GGNBP2: variants seen among roughly 807,000 people sequenced by gnomAD.
The protein encoded by GGNBP2 is gametogenetin binding protein 2.
In GGNBP2, 10 loss-of-function variants were observed where a neutral mutation model predicts 85.9. The observed-to-expected ratio is 0.12, with a 90% CI of 0.07 to 0.20. GGNBP2 has a LOEUF of 0.20. GGNBP2 is among the 10% of genes least tolerant of loss of function. The pLI, the probability that GGNBP2 is intolerant of heterozygous loss-of-function variation, is 1.00. For missense variants in GGNBP2, 595 were observed against 857.8 expected (o/e 0.69, Z 3.83); for synonymous variants, 287 against 285.7 (o/e 1.00, Z -0.05).
intron 1 of GGNBP2, 161 bp from the exon 2 acceptor site, chr17:36,545,458 T>C (rs1415852271): frequency 7.5e-6 from 3 of 397,876 alleles, no homozygotes; most frequent in Middle Eastern, 6.4e-4. Flanking sequence ...GGGGGGCGGG[T>C]CCCGGCGGCG....
intron 4 of GGNBP2, among the ~76,000 whole-genome samples, chr17:36,557,828 A>G (rs970861127): frequency 6.6e-6 from 1 of 152,150 alleles, no homozygotes; most frequent in African/African-American, 2.4e-5. Context: ...CAGCAGAGTA[A>G]TAAGGCCGGG....
chr17:36,546,396 T>A (rs965121257), intron 2 of GGNBP2: 1 of 155,942 alleles, frequency 6.4e-6, no homozygotes, highest in African/African-American at 2.4e-5. Context: ...TGCTAGGCCC[T>A]TTCTTCAAAA....
chr17:36,582,993 T>C (rs915991135), intron 9 of GGNBP2, among the ~76,000 whole-genome samples: 1 of 152,154 alleles, frequency 6.6e-6, no homozygotes, highest in African/African-American at 2.4e-5. Flanking sequence ...GTGAGAAGAA[T>C]GGTATTATAC....
intron 6 of GGNBP2, among the ~76,000 whole-genome samples, chr17:36,571,419 G>A (rs1016642666): frequency 3.3e-5 from 5 of 152,016 alleles, no homozygotes; most frequent in Non-Finnish European, 5.9e-5. Context: ...GCTTGGTGGC[G>A]TGTGCCTGTA....
In GGNBP2 at chr17:36,581,327, C is replaced by A. The variant is rs774927505; in HGVS notation, c.1021-17C>A. On this transcript the variant is annotated splice_polypyrimidine_tract_variant and intron_variant, in intron 8 of 13. Transcript: ENST00000613102. ...AGTTCTGACCAATATTCACCCTCAA[C>A]CTTATTTTTATAATAGATGACCGTG... The A allele has an allele frequency of 2.6e-6, 4 of 1,534,834 alleles. No individual in the cohort carries two copies. Among genetic ancestry groups the A allele is most frequent in the Non-Finnish European group, 3.5e-6 (4 of 1,130,408 alleles).
At position 36,585,983 on chromosome 17, in the gene GGNBP2, T is replaced by G. The variant is rs756814694; in HGVS notation, c.1492+18T>G. ...TGAACACGGTAGGCTCACATTAAGT[T>G]TCCCAGTTATTTCTACTACATGGCT... On this transcript the variant is annotated intron_variant, in intron 11 of 13. Transcript: ENST00000613102. 1 of 1,614,018 alleles carries G rather than the reference T, an allele frequency of 6.2e-7. No homozygotes were observed. The highest frequency in any genetic ancestry group is 8.5e-7 in the Non-Finnish European group (1 of 1,179,954).
intron 5 of GGNBP2, among the ~76,000 whole-genome samples, chr17:36,566,465 G>C (rs1320596309): frequency 6.6e-6 from 1 of 151,988 alleles, no homozygotes; most frequent in African/African-American, 2.4e-5. Context: ...TCGGAGATCA[G>C]CCTGGGCAAC....
intron 2 of GGNBP2, among the ~76,000 whole-genome samples, chr17:36,552,057 T>C (rs1342801728): frequency 6.6e-6 from 1 of 152,240 alleles, no homozygotes; most frequent in Non-Finnish European, 1.5e-5. Context: ...TAGATAATTG[T>C]CATTTTTTAT....
At chr17:36,563,362 T>C (rs1423036096) in intron 5 of GGNBP2, among the ~76,000 whole-genome samples, 2 of 152,200 alleles carry the variant, frequency 1.3e-5, no homozygotes, top group Non-Finnish European at 2.9e-5. Flanking sequence ...CCATGCACTT[T>C]TACCAAGATT....
At chr17:36,562,969 A>C (rs2074433740) in intron 5 of GGNBP2, among the ~76,000 whole-genome samples, 1 of 146,966 alleles carries the variant, frequency 6.8e-6, no homozygotes, top group Non-Finnish European at 1.5e-5. Context: ...AAAAAAAAAA[A>C]AAAAAAAAAA....
chr17:36,550,133 T>C lies in GGNBP2; in HGVS notation c.93+4316T>C, dbSNP rs944720698. 2.6e-5 allele frequency among the ~76,000 whole-genome samples: 4 copies of C among 152,142 alleles called. No homozygotes were observed. In the South Asian group the frequency reaches 8.3e-4, roughly 32 times the overall value. On this transcript the variant is annotated intron_variant, in intron 2 of 13. Coordinates refer to ENST00000613102, the MANE Select transcript of GGNBP2 (RefSeq NM_024835.5). ...TTGTATTTTTAGTAGAGACGAGGCG[T>C]CACCATTTTGGCCAGGCTGGTCTCG...
At chr17:36,556,633 G>A (rs573858805) in intron 3 of GGNBP2, among the ~76,000 whole-genome samples, 2 of 152,080 alleles carry the variant, frequency 1.3e-5, no homozygotes, top group South Asian at 2.1e-4. Flanking sequence ...GAACCCAGGA[G>A]GCAGAGGTTG....
chr17:36,573,230 A>G (rs772037900), intron 6 of GGNBP2, among the ~76,000 whole-genome samples: 1 of 152,034 alleles, frequency 6.6e-6, no homozygotes, highest in African/African-American at 2.4e-5. Context: ...CTCCTGCCTC[A>G]GCCTCCTGAG....
intron 6 of GGNBP2, 125 bp downstream of exon 6, chr17:36,567,901 G>A: frequency 1.9e-6 from 1 of 518,966 alleles, no homozygotes; most frequent in Non-Finnish European, 3.5e-6. Flanking sequence ...CTTGGCACTA[G>A]GCGGAGCTTA....
At chr17:36,583,482 AG>A (rs2074671554) in intron 9 of GGNBP2, among the ~76,000 whole-genome samples, 1 of 152,128 alleles carries the variant, frequency 6.6e-6, no homozygotes, top group African/African-American at 2.4e-5. Flanking sequence ...ATTTTGGAGC[AG>A]AGTCTTGCTC....
chr17:36,556,476 C>T (rs1376034097), intron 3 of GGNBP2, among the ~76,000 whole-genome samples: 5 of 152,100 alleles, frequency 3.3e-5, no homozygotes, highest in Admixed American at 6.5e-5. Flanking sequence ...GAGGCTGAGG[C>T]GGGTGGATCA....
intron 5 of GGNBP2, among the ~76,000 whole-genome samples, chr17:36,561,845 G>C (rs1460839924): frequency 6.6e-6 from 1 of 152,008 alleles, no homozygotes; most frequent in African/African-American, 2.4e-5. Context: ...GGATGGTCTC[G>C]ATCTCCTGAC....
chr17:36,552,988 C>CAA, intron 2 of GGNBP2, among the ~76,000 whole-genome samples: 1 of 146,370 alleles, frequency 6.8e-6, no homozygotes, highest in Middle Eastern at 3.5e-3. Context: ...TGCCACTGCA[C>CAA]TCCAGCCTGG....
At chr17:36,586,882 ATG>A in intron 12 of GGNBP2, 113 bp from the exon 13 acceptor site, 1 of 1,053,326 alleles carries the variant, frequency 9.5e-7, no homozygotes, top group Non-Finnish European at 1.3e-6. Context: ...GCCTCCCAAA[ATG>A]TTGAGATTGT....
Sources: gnomAD v4.1 joint callset for allele counts (sites outside exome capture counted in the v4.1 genomes callset) on GRCh38, gnomAD v4.1.1 for gene constraint, MANE v1.5 for transcripts, NCBI Gene and HGNC (gene_info 2026-07-23, HGNC 2026-07-21) for gene names.